PARD3B: variants seen among roughly 807,000 people sequenced by gnomAD.
PARD3B encodes par-3 family cell polarity regulator beta, also known as partitioning defective 3 homolog B.
Under a neutral mutation model 130.2 loss-of-function variants are expected in PARD3B, and 103 were observed. That is an observed-to-expected ratio of 0.79 (90% CI 0.67 to 0.93). The LOEUF is 0.93. Ranked by LOEUF, PARD3B falls within the 40% of genes least tolerant of loss-of-function variation. The pLI is 0.00. For synonymous variants in PARD3B, 583 were observed against 553.2 expected, an observed-to-expected ratio of 1.05 and a Z score of -0.76; for missense variants, 1,609 against 1,499.2, an observed-to-expected ratio of 1.07 and a Z score of -1.21.
At chr2:205,163,846 T>C (rs1222814320) in intron 11 of PARD3B, among the ~76,000 whole-genome samples, 1 of 152,214 alleles carries the variant, frequency 6.6e-6, no homozygotes, top group Non-Finnish European at 1.5e-5. Context: ...AAACTAATGT[T>C]AAATGATTTC....
chr2:205,310,719 CTTTTTTTTT>C (rs34032930), intron 18 of PARD3B, among the ~76,000 whole-genome samples: 2 of 82,590 alleles, frequency 2.4e-5, no homozygotes, highest in Admixed American at 3.6e-4. Flanking sequence ...TTCTTTCTTT[CTTTTTTTTT>C]TTTTTTTTTT....
chr2:204,549,302 T>C (rs1295720692), intron 1 of PARD3B, among the ~76,000 whole-genome samples: 1 of 152,204 alleles, frequency 6.6e-6, no homozygotes, highest in Non-Finnish European at 1.5e-5. Context: ...TGACACTTTA[T>C]CAGTGTCCCA....
At chr2:204,702,146 T>A (rs2037925660) in intron 2 of PARD3B, among the ~76,000 whole-genome samples, 1 of 152,210 alleles carries the variant, frequency 6.6e-6, no homozygotes, top group African/African-American at 2.4e-5. Context: ...AATCCACCAT[T>A]GATGGACACC....
At chr2:204,564,313 G>A (rs1317953484) in intron 1 of PARD3B, among the ~76,000 whole-genome samples, 1 of 152,176 alleles carries the variant, frequency 6.6e-6, no homozygotes, top group Non-Finnish European at 1.5e-5. Context: ...AAGAGAGCCT[G>A]CAGTAGGCTG....
chr2:205,599,055 A>G (rs915919394), intron 22 of PARD3B, among the ~76,000 whole-genome samples: 4 of 152,184 alleles, frequency 2.6e-5, no homozygotes, highest in African/African-American at 9.7e-5. Flanking sequence ...CACCTACAGG[A>G]ATTAGAAAAA....
At chr2:204,749,135 G>C (rs922401897) in intron 2 of PARD3B, among the ~76,000 whole-genome samples, 1 of 152,034 alleles carries the variant, frequency 6.6e-6, no homozygotes, top group Admixed American at 6.6e-5. Flanking sequence ...AAGTGCAAAA[G>C]TGCAAAGATT....
chr2:204,642,839 C>T (rs1036239121), intron 1 of PARD3B, among the ~76,000 whole-genome samples: 20 of 151,258 alleles, frequency 1.3e-4, no homozygotes, highest in Admixed American at 5.3e-4. Context: ...CTCGGCCGGG[C>T]GCGGTGGCTC....
At chr2:204,829,483 A>G (rs1192338684) in intron 2 of PARD3B, among the ~76,000 whole-genome samples, 1 of 152,206 alleles carries the variant, frequency 6.6e-6, no homozygotes, top group Admixed American at 6.5e-5. Context: ...ATCAAACTCA[A>G]TGACATAGGA....
At chr2:205,117,752 A>G (rs573538714) in intron 6 of PARD3B, among the ~76,000 whole-genome samples, 7 of 152,332 alleles carry the variant, frequency 4.6e-5, no homozygotes, top group South Asian at 4.1e-4. Flanking sequence ...CTTGCAGGAC[A>G]TATCTATCTT....
At chr2:205,103,924 AAAGT>A (rs1449326855) in intron 4 of PARD3B, among the ~76,000 whole-genome samples, 3 of 152,326 alleles carry the variant, frequency 2.0e-5, no homozygotes, top group East Asian at 1.9e-4. Flanking sequence ...ATTTCATGAC[AAAGT>A]AAGAGTTCTG....
In PARD3B at chr2:205,172,412, T is replaced by C. The variant is rs746818363; in HGVS notation, c.1791+31T>C. On this transcript the variant is annotated intron_variant, in intron 12 of 22. Coordinates refer to ENST00000406610, the MANE Select transcript of PARD3B (RefSeq NM_001302769.2). ...GCAAATCTTGATTCTCCTCAGCCAG[T>C]TGCCCAAATTGCCACCAGAATATGC... The C allele has an allele frequency of 3.8e-6, 6 of 1,592,140 alleles. No individual in the cohort carries two copies. The South Asian group carries it at 5.6e-5, about 15-fold the overall frequency.
At chr2:204,879,497 C>G (rs769342747) in intron 2 of PARD3B, among the ~76,000 whole-genome samples, 27 of 152,194 alleles carry the variant, frequency 1.8e-4, no homozygotes, top group Non-Finnish European at 3.7e-4. Flanking sequence ...CTAACCTCAC[C>G]TCTCTGAGCA....
intron 21 of PARD3B, among the ~76,000 whole-genome samples, chr2:205,544,582 GATTTT>G (rs1346787387): frequency 6.6e-6 from 1 of 152,140 alleles, no homozygotes; most frequent in Non-Finnish European, 1.5e-5. Context: ...GGAGATGTCT[GATTTT>G]ATTTTCTGCT....
In PARD3B at chr2:205,285,007, T is replaced by G. The variant is rs192679566; in HGVS notation, c.2186-15523T>G. On this transcript the variant is annotated intron_variant, in intron 16 of 22. Coordinates refer to ENST00000406610, the MANE Select transcript of PARD3B (RefSeq NM_001302769.2). ...AGCACAAAACAGTTTTTTTTTTTTT[T>G]TGTGGGAGTATTAGCAGTGAACCAA... 1.3e-3 allele frequency among the ~76,000 whole-genome samples: 205 copies of G among 151,898 alleles called. 4 individuals carry two copies. Among genetic ancestry groups the G allele is most frequent in the South Asian group, 2.9e-3 (14 of 4,804 alleles).
chr2:205,248,883 AGGCG>A (rs2039701457), intron 16 of PARD3B, among the ~76,000 whole-genome samples: 1 of 152,016 alleles, frequency 6.6e-6, no homozygotes, highest in South Asian at 2.1e-4. Context: ...CTGGGATTAC[AGGCG>A]TGAGCCACCG....
chr2:205,485,279 A>C (rs6747440), intron 20 of PARD3B, among the ~76,000 whole-genome samples: 60 of 152,196 alleles, frequency 3.9e-4, no homozygotes, highest in Non-Finnish European at 6.9e-4. Flanking sequence ...ATCGTGCTTC[A>C]TCACCAGATG....
intron 16 of PARD3B, among the ~76,000 whole-genome samples, chr2:205,266,939 G>A (rs1240560026): frequency 6.6e-6 from 1 of 152,024 alleles, no homozygotes; most frequent in African/African-American, 2.4e-5. Flanking sequence ...GCTGTTAAAA[G>A]GATTTTCAAC....
chr2:205,344,398 A>G (rs1394581436), intron 18 of PARD3B, among the ~76,000 whole-genome samples: 1 of 152,122 alleles, frequency 6.6e-6, no homozygotes. Context: ...TACTGGAGGG[A>G]GAGGGATGAT....
At chr2:205,214,489 C>CA (rs58426242) in intron 15 of PARD3B, among the ~76,000 whole-genome samples, 235 of 121,194 alleles carry the variant, frequency 1.9e-3, no homozygotes, top group East Asian at 9.6e-3. Flanking sequence ...AAGGTGATAC[C>CA]AAAAAAAAAA....
Sources: allele counts gnomAD v4.1 joint callset (sites outside exome capture counted in the v4.1 genomes callset), GRCh38; gene constraint gnomAD v4.1.1; transcripts MANE v1.5; gene names NCBI Gene and HGNC (gene_info 2026-07-23, HGNC 2026-07-21).